ZNF215: variants seen among roughly 807,000 people sequenced by gnomAD.
ZNF215 encodes the protein zinc finger protein 215, also known as BWSCR2-associated zinc finger protein 2.
A neutral mutation model predicts 27.2 loss-of-function variants in ZNF215; 24 were observed. The observed-to-expected ratio is 0.88, with a 90% confidence interval of 0.64 to 1.24. The LOEUF (loss-of-function observed/expected upper bound fraction) is 1.24. ZNF215 is among the 50% of genes most tolerant of loss of function. The probability of loss-of-function intolerance (pLI) is 0.00; values close to 1 mark genes in which losing one functional copy is unlikely to be tolerated. For synonymous variants in ZNF215, 210 were observed against 204.0 expected, an observed-to-expected ratio of 1.03 and a Z score of -0.25; for missense variants, 675 against 605.7, an observed-to-expected ratio of 1.11 and a Z score of -1.20.
intron 5 of ZNF215, among the ~76,000 whole-genome samples, chr11:6,970,150 C>T (rs1351992247): frequency 3.9e-5 from 6 of 152,164 alleles, no homozygotes; most frequent in Admixed American, 3.9e-4. Flanking sequence ...AAACCTCAAT[C>T]TATTCAAGCT....
At chr11:6,974,019 T>C (rs1207616495) in intron 5 of ZNF215, among the ~76,000 whole-genome samples, 2 of 152,184 alleles carry the variant, frequency 1.3e-5, no homozygotes, top group Non-Finnish European at 2.9e-5. Context: ...AGGGTTTTTA[T>C]GGTTTTAGGT....
chr11:6,971,597 A>C (rs1554945745), intron 5 of ZNF215, among the ~76,000 whole-genome samples: 2 of 152,176 alleles, frequency 1.3e-5, no homozygotes, highest in Non-Finnish European at 2.9e-5. Flanking sequence ...AAAATCTTTG[A>C]GTTCTTTGAG....
At chr11:6,960,110 AAAACTT>A (rs1321131164), downstream of ZNF215, among the ~76,000 whole-genome samples, 7 of 152,292 alleles carry the variant, frequency 4.6e-5, no homozygotes, top group East Asian at 1.2e-3. Flanking sequence ...CTAATACTAA[AAAACTT>A]AAAGATCACA....
chr11:6,990,036 G>C (rs1851100132), downstream of ZNF215, among the ~76,000 whole-genome samples: 1 of 152,202 alleles, frequency 6.6e-6, no homozygotes, highest in Non-Finnish European at 1.5e-5. Context: ...CTTATTGCAA[G>C]ATCCAATCAG....
intron 5 of ZNF215, among the ~76,000 whole-genome samples, chr11:6,970,556 A>C (rs549357428): frequency 3.5e-4 from 54 of 152,326 alleles, no homozygotes; most frequent in African/African-American, 1.3e-3. Context: ...CGGGCGAAGT[A>C]ATGCCTAGGA....
chr11:6,956,525 G>A lies in ZNF215; in HGVS notation c.1548G>A (p.Lys516=), dbSNP rs1850365674. The A allele has an allele frequency of 6.4e-7, 1 of 1,562,258 alleles. No individual in the cohort carries two copies. Among genetic ancestry groups the A allele is most frequent in the African/African-American group, 1.4e-5 (1 of 72,274 alleles). ...VKHQKLHTRD[K]S is the part of the protein sequence containing the mutation. ...ATCAAAAACTGCATACTCGAGATAAGTCCTGAAAAAAGAAAAAATGAAAGA... is the reference window on the plus strand; with the variant it reads ...ATCAAAAACTGCATACTCGAGATAAATCCTGAAAAAAGAAAAAATGAAAGA... Residue 516 remains lysine, a synonymous_variant, in exon 7 of 7, where the codon AAG becomes AAA. Coordinates refer to ENST00000278319, the MANE Select transcript of ZNF215 (RefSeq NM_013250.4).
At chr11:6,963,598 A>G (rs1339746006) in intron 5 of ZNF215, among the ~76,000 whole-genome samples, 1 of 152,072 alleles carries the variant, frequency 6.6e-6, no homozygotes, top group Non-Finnish European at 1.5e-5. Context: ...TTACAAATAT[A>G]TATATAACAG....
intron 5 of ZNF215, among the ~76,000 whole-genome samples, 159 bp downstream of exon 5, chr11:6,943,374 G>C (rs915899552): frequency 1.3e-5 from 2 of 152,200 alleles, no homozygotes; most frequent in South Asian, 4.1e-4. Flanking sequence ...TCATCTGGAT[G>C]AAAGTCCTTT....
rs116323778 is a variant in ZNF215 at position 6,942,707 on chromosome 11, C to G, written c.484-376C>G. 4.9e-3 allele frequency among the ~76,000 whole-genome samples: 753 copies of G among 152,284 alleles called. 7 individuals are homozygous for G. The highest frequency in any genetic ancestry group is 0.017 in the Middle Eastern group (5 of 294). On this transcript the variant is annotated intron_variant, in intron 4 of 6. Coordinates refer to ENST00000278319, the MANE Select transcript of ZNF215 (RefSeq NM_013250.4). Reference sequence around the variant, plus strand: ...GAGCCTACATTTTCATTACAAATCTCTCTTAGAACTACCACAAACTCTTGC... The same window carrying G: ...GAGCCTACATTTTCATTACAAATCTGTCTTAGAACTACCACAAACTCTTGC...
intron 5 of ZNF215, among the ~76,000 whole-genome samples, chr11:6,965,242 T>C (rs1248917383): frequency 1.3e-5 from 2 of 152,136 alleles, no homozygotes; most frequent in African/African-American, 4.8e-5. Context: ...AAGTCACACA[T>C]GTAAAAGTGT....
chr11:6,975,906 T>A (rs1179332890), intron 5 of ZNF215, among the ~76,000 whole-genome samples: 1 of 152,094 alleles, frequency 6.6e-6, no homozygotes, highest in Admixed American at 6.6e-5. Flanking sequence ...CTATTTTTAG[T>A]TTTTTGAGAA....
chr11:6,975,421 A>G (rs1246146922), intron 5 of ZNF215, among the ~76,000 whole-genome samples: 4 of 152,002 alleles, frequency 2.6e-5, no homozygotes, highest in African/African-American at 7.2e-5. Context: ...TAAATGTACA[A>G]TTACTGACTA....
chr11:6,984,119 T>TTC, intron 5 of ZNF215: 1 of 417,952 alleles, frequency 2.4e-6, no homozygotes, highest in Non-Finnish European at 4.7e-6. Context: ...TAAATTTTTT[T>TTC]TTTTTTCAGA....
At chr11:6,982,477 C>A (rs1361602526) in intron 5 of ZNF215, among the ~76,000 whole-genome samples, 1 of 152,120 alleles carries the variant, frequency 6.6e-6, no homozygotes, top group Non-Finnish European at 1.5e-5. Flanking sequence ...CCACACCACA[C>A]CTATTCCAAA....
intron 5 of ZNF215, among the ~76,000 whole-genome samples, chr11:6,975,179 C>T (rs918448667): frequency 2.0e-5 from 3 of 151,976 alleles, no homozygotes; most frequent in Non-Finnish European, 4.4e-5. Flanking sequence ...TGGTTCTGTT[C>T]ATATGCTGGA....
At chr11:6,991,302 C>CT (rs1249491722), downstream of ZNF215, among the ~76,000 whole-genome samples, 1 of 152,226 alleles carries the variant, frequency 6.6e-6, no homozygotes, top group Non-Finnish European at 1.5e-5. Context: ...AGCCTCCCTG[C>CT]TTCCCTCCAG....
At chr11:6,975,536 C>T (rs147701386) in intron 5 of ZNF215, among the ~76,000 whole-genome samples, 29 of 152,044 alleles carry the variant, frequency 1.9e-4, no homozygotes, top group Non-Finnish European at 3.5e-4. Flanking sequence ...CCTTTCCAGC[C>T]TCTGATAACC....
At chr11:6,934,900 A>G (rs1268040804) in intron 3 of ZNF215, among the ~76,000 whole-genome samples, 5 of 152,200 alleles carry the variant, frequency 3.3e-5, no homozygotes, top group Admixed American at 2.0e-4. Flanking sequence ...ATTATAGCCT[A>G]TTCTTGAGAA....
At chr11:6,953,326 G>A (rs1030867880) in intron 6 of ZNF215, among the ~76,000 whole-genome samples, 1 of 152,204 alleles carries the variant, frequency 6.6e-6, no homozygotes, top group Non-Finnish European at 1.5e-5. Flanking sequence ...GTCTTGCAGA[G>A]TGTTTTCTAA....
Sources: allele counts gnomAD v4.1 joint callset (sites outside exome capture counted in the v4.1 genomes callset), GRCh38; gene constraint gnomAD v4.1.1; transcripts MANE v1.5; gene names NCBI Gene and HGNC (gene_info 2026-07-23, HGNC 2026-07-21).